SRP9: variants seen among roughly 807,000 people sequenced by gnomAD.
SRP9 encodes the protein signal recognition particle 9, also known as signal recognition particle 9 kDa protein.
Under a neutral mutation model 11.7 loss-of-function variants are expected in SRP9, and 2 were observed. The observed-to-expected ratio is 0.17, with a 90% confidence interval of 0.07 to 0.54. The LOEUF (loss-of-function observed/expected upper bound fraction) is 0.54. Ranked by LOEUF, SRP9 falls within the 20% of genes least tolerant of loss-of-function variation. The pLI is 0.94. For synonymous variants in SRP9, 27 were observed against 35.6 expected (o/e 0.76, Z 0.86); for missense variants, 54 against 108.1 (o/e 0.50, Z 2.22).
At chr1:225,779,618 A>G (rs1665756617) in intron 1 of SRP9, among the ~76,000 whole-genome samples, 1 of 152,262 alleles carries the variant, frequency 6.6e-6, no homozygotes, top group South Asian at 2.1e-4. Flanking sequence ...TAAAAATAGT[A>G]TTAGACCCAC....
chr1:225,790,037 G>A lies in SRP9; in HGVS notation c.*678G>A, dbSNP rs1218813738. On this transcript the variant is annotated 3_prime_UTR_variant, in exon 3 of 3. Coordinates refer to ENST00000304786, the MANE Select transcript of SRP9 (RefSeq NM_003133.6). ...GATCAGAAGCAGCAGTTATTTGAGTGTATGAATGGAATGATGATCACTGTG... is the reference window on the plus strand; with the variant it reads ...GATCAGAAGCAGCAGTTATTTGAGTATATGAATGGAATGATGATCACTGTG... The A allele has an allele frequency of 6.6e-6, 1 of 152,226 alleles. No homozygotes were observed. The highest frequency in any genetic ancestry group is 2.4e-5 in the African/African-American group (1 of 41,444). 9.4% of individuals were successfully genotyped at this position (152,226 alleles called of 1,614,324 possible). A position where few individuals can be genotyped will look rare whatever the true frequency, so the allele number is the denominator to read the frequency against.
In SRP9 at chr1:225,786,568, A is replaced by G. The variant is rs116719010; in HGVS notation, c.142-2672A>G. ...ACCATGTCTTCTAAGAACCAATTGA[A>G]TGTAGTGAGTAGCTAAACATGTGGA... is the stretch of plus-strand genomic sequence containing the variant. On this transcript the variant is annotated intron_variant, in intron 2 of 2. Transcript: ENST00000304786. Among the ~76,000 whole-genome samples the G allele has an allele frequency of 3.1e-3, 466 of 152,318 alleles. 5 individuals carry two copies. The highest frequency in any genetic ancestry group is 0.011 in the African/African-American group (448 of 41,568).
At chr1:225,786,447 A>AT (rs1338231028) in intron 2 of SRP9, among the ~76,000 whole-genome samples, 1 of 152,202 alleles carries the variant, frequency 6.6e-6, no homozygotes, top group Non-Finnish European at 1.5e-5. Context: ...TTATAGAGTG[A>AT]TTTTAAAAAT....
intron 1 of SRP9, among the ~76,000 whole-genome samples, chr1:225,781,003 A>G (rs1178668090): frequency 1.3e-5 from 2 of 152,164 alleles, no homozygotes; most frequent in Admixed American, 6.5e-5. Flanking sequence ...TCACAGTCTG[A>G]CCCATCTCCA....
intron 2 of SRP9, among the ~76,000 whole-genome samples, chr1:225,786,355 T>G (rs1665917307): frequency 6.6e-6 from 1 of 152,272 alleles, no homozygotes; most frequent in Non-Finnish European, 1.5e-5. Flanking sequence ...CTTACATGTC[T>G]TATTTCCATT....
chr1:225,789,439 A>C lies in SRP9; in HGVS notation c.*80A>C. On this transcript the variant is annotated 3_prime_UTR_variant, in exon 3 of 3. Transcript: ENST00000304786. ...TAGAGAAAGTGTTGGGACAGAAAGT[A>C]CTTTATGTAACTAAGTGGGCTGTTC... is the stretch of plus-strand genomic sequence containing the variant. 1 of 1,447,984 alleles carries C rather than the reference A, an allele frequency of 6.9e-7. No homozygotes were observed. The highest frequency in any genetic ancestry group is 9.3e-7 in the Non-Finnish European group (1 of 1,073,422). 89.7% of individuals were successfully genotyped at this position (1,447,984 alleles called of 1,614,324 possible). A position where few individuals can be genotyped will look rare whatever the true frequency, so the allele number is the denominator to read the frequency against.
intron 1 of SRP9, among the ~76,000 whole-genome samples, chr1:225,778,764 G>A (rs1665736405): frequency 6.6e-6 from 1 of 152,194 alleles, no homozygotes; most frequent in Non-Finnish European, 1.5e-5. Context: ...TTATTGTCAT[G>A]TCTAAGAATT....
At chr1:225,783,277 C>T (rs966083899) in intron 1 of SRP9, 23 bp from the exon 2 acceptor site, 9 of 1,584,020 alleles carry the variant, frequency 5.7e-6, no homozygotes, top group Non-Finnish European at 6.9e-6. Flanking sequence ...TTCACTGTTT[C>T]TAAATATGTA....
intron 2 of SRP9, among the ~76,000 whole-genome samples, chr1:225,786,618 G>A (rs142762182): frequency 6.6e-6 from 1 of 152,296 alleles, no homozygotes; most frequent in African/African-American, 2.4e-5. Flanking sequence ...TCGAGATGTA[G>A]TATACTAGAC....
At chr1:225,783,271 CTG>C in intron 1 of SRP9, 27 bp from the exon 2 acceptor site, 1 of 1,555,006 alleles carries the variant, frequency 6.4e-7, no homozygotes, top group Non-Finnish European at 8.9e-7. Flanking sequence ...TTTGTCTTCA[CTG>C]TTTCTAAATA....
At chr1:225,780,846 G>C (rs543428730) in intron 1 of SRP9, among the ~76,000 whole-genome samples, 1 of 152,242 alleles carries the variant, frequency 6.6e-6, no homozygotes, top group East Asian at 1.9e-4. Flanking sequence ...ATTACCACTG[G>C]ATTATGTAAT....
At chr1:225,779,820 C>G (rs547654275) in intron 1 of SRP9, among the ~76,000 whole-genome samples, 24 of 152,288 alleles carry the variant, frequency 1.6e-4, no homozygotes, top group Non-Finnish European at 4.4e-5. Flanking sequence ...TCAGACAATG[C>G]TACTCTGAGA....
intron 2 of SRP9, 91 bp downstream of exon 2, chr1:225,783,459 A>G: frequency 9.7e-7 from 1 of 1,027,466 alleles, no homozygotes; most frequent in Non-Finnish European, 1.5e-6. Context: ...TATGGAGATT[A>G]CCCATTAGGA....
At chr1:225,788,339 T>C (rs1391512544) in intron 2 of SRP9, among the ~76,000 whole-genome samples, 2 of 151,870 alleles carry the variant, frequency 1.3e-5, no homozygotes. Flanking sequence ...TGAGCTGAGA[T>C]TGCACCACTA....
At chr1:225,788,564 C>T (rs1040119402) in intron 2 of SRP9, among the ~76,000 whole-genome samples, 5 of 151,956 alleles carry the variant, frequency 3.3e-5, no homozygotes, top group African/African-American at 7.2e-5. Context: ...TACAGGCACA[C>T]GCCACCACGC....
chr1:225,786,410 T>C (rs981075712), intron 2 of SRP9, among the ~76,000 whole-genome samples: 9 of 152,380 alleles, frequency 5.9e-5, no homozygotes, highest in African/African-American at 1.7e-4. Context: ...GTAAACATTT[T>C]TTAAATAGTT....
At chr1:225,781,102 T>C (rs1001560052) in intron 1 of SRP9, among the ~76,000 whole-genome samples, 7 of 152,236 alleles carry the variant, frequency 4.6e-5, no homozygotes, top group Admixed American at 2.0e-4. Flanking sequence ...GAATGATTTT[T>C]AGCCTTTCTT....
chr1:225,784,858 A>G (rs1401457904), intron 2 of SRP9, among the ~76,000 whole-genome samples: 1 of 151,880 alleles, frequency 6.6e-6, no homozygotes, highest in East Asian at 2.0e-4. Flanking sequence ...ACAAACAAAA[A>G]AACTAGCTGC....
At chr1:225,778,058 T>C (rs769601740) in intron 1 of SRP9, 46 bp downstream of exon 1, 43 of 1,605,614 alleles carry the variant, frequency 2.7e-5, no homozygotes, top group Non-Finnish European at 3.5e-5. Context: ...GCCCAGGATG[T>C]CTTCCCGCCA....
Sources: gnomAD v4.1 joint callset for allele counts (sites outside exome capture counted in the v4.1 genomes callset) on GRCh38, gnomAD v4.1.1 for gene constraint, MANE v1.5 for transcripts, NCBI Gene and HGNC (gene_info 2026-07-23, HGNC 2026-07-21) for gene names.